AKAP6: variants seen among roughly 807,000 people sequenced by gnomAD.
AKAP6 encodes the protein A-kinase anchoring protein 6.
Under a neutral mutation model 188.5 loss-of-function variants are expected in AKAP6, and 58 were observed. The observed-to-expected ratio is 0.31, with a 90% CI of 0.25 to 0.38. The LOEUF is 0.38. AKAP6 is among the 10% of genes least tolerant of loss of function. The pLI, the probability that AKAP6 is intolerant of heterozygous loss-of-function variation, is 1.00. For missense variants in AKAP6, 2,710 were observed against 2,740.0 expected (o/e 0.99, Z 0.24); for synonymous variants, 989 against 998.6 (o/e 0.99, Z 0.18).
chr14:32,349,143 A>G (rs1887173506), intron 1 of AKAP6, among the ~76,000 whole-genome samples: 1 of 152,168 alleles, frequency 6.6e-6, no homozygotes, highest in Non-Finnish European at 1.5e-5. Context: ...CATTTTATAG[A>G]TCTGTAGGGC....
intron 4 of AKAP6, among the ~76,000 whole-genome samples, chr14:32,548,858 A>G (rs1883324934): frequency 6.6e-6 from 1 of 152,178 alleles, no homozygotes; most frequent in South Asian, 2.1e-4. Context: ...CTGGATAGAG[A>G]ATATTGATGT....
At chr14:32,343,468 C>G (rs1007404271) in intron 1 of AKAP6, among the ~76,000 whole-genome samples, 1 of 151,974 alleles carries the variant, frequency 6.6e-6, no homozygotes, top group Non-Finnish European at 1.5e-5. Context: ...TCCAGCTGCC[C>G]TGCTTCCTCC....
At chr14:32,698,282 T>G (rs1890484641) in intron 9 of AKAP6, among the ~76,000 whole-genome samples, 1 of 152,196 alleles carries the variant, frequency 6.6e-6, no homozygotes, top group South Asian at 2.1e-4. Context: ...TTCAATATCC[T>G]ATTCCTCTGT....
chr14:32,468,987 A>T (rs996543526), intron 2 of AKAP6, among the ~76,000 whole-genome samples: 3 of 152,150 alleles, frequency 2.0e-5, no homozygotes, highest in Admixed American at 2.0e-4. Flanking sequence ...AACTGTCCTA[A>T]ACTCTACAGT....
chr14:32,341,685 GAGA>G (rs966898564), intron 1 of AKAP6, among the ~76,000 whole-genome samples: 16 of 152,300 alleles, frequency 1.1e-4, no homozygotes, highest in Admixed American at 9.1e-4. Context: ...CAAGCTTGCT[GAGA>G]AGAATGCCCC....
intron 12 of AKAP6, 146 bp downstream of exon 12, chr14:32,774,039 T>G: frequency 1.3e-6 from 1 of 765,620 alleles, no homozygotes; most frequent in South Asian, 1.7e-5. Context: ...TGGTTTTAAC[T>G]AACTAAAGCT....
chr14:32,648,799 T>G (rs1042388932), intron 7 of AKAP6, among the ~76,000 whole-genome samples: 1 of 152,104 alleles, frequency 6.6e-6, no homozygotes, highest in African/African-American at 2.4e-5. Context: ...TATTCAAATG[T>G]AGGAAATCCA....
intron 12 of AKAP6, among the ~76,000 whole-genome samples, chr14:32,820,811 C>T (rs1170941366): frequency 6.6e-6 from 1 of 152,116 alleles, no homozygotes; most frequent in Non-Finnish European, 1.5e-5. Flanking sequence ...AAAGACAGAT[C>T]CCTGAATAGG....
chr14:32,811,380 A>C (rs2140116510), intron 12 of AKAP6, among the ~76,000 whole-genome samples: 1 of 152,262 alleles, frequency 6.6e-6, no homozygotes, highest in Non-Finnish European at 1.5e-5. Flanking sequence ...TTATTAAAAA[A>C]CAACAAAAAT....
At chr14:32,417,820 A>G (rs1176208001) in intron 1 of AKAP6, 2 of 152,198 alleles carry the variant, frequency 1.3e-5, no homozygotes, top group Admixed American at 1.3e-4. Context: ...TATAGACTCC[A>G]GTTTAATTGA....
Position 32,821,465 on chromosome 14 carries a change from G to A in AKAP6, c.3652G>A (p.Glu1218Lys). 1 of 1,613,670 alleles carries A rather than the reference G, an allele frequency of 6.2e-7. No homozygotes were observed. The highest frequency in any genetic ancestry group is 8.5e-7 in the Non-Finnish European group (1 of 1,179,734). The change falls in exon 13 of 14, where the codon GAA becomes AAA. Residue 1218 changes from glutamate to lysine, a missense_variant. Physicochemically the swap from Glu to Lys is moderately conservative, Grantham distance 56 (BLOSUM62 1). This residue lies in a region of AKAP6 where 2,473 missense variants were observed against 2,426.1 expected (regional missense o/e 1.02). Coordinates refer to ENST00000280979, the MANE Select transcript of AKAP6 (RefSeq NM_004274.5). ...AAATGGGATGAGTGAGGATGCCCTG[G>A]AATGGGATGAAATGGACATAAGTAA... is the stretch of plus-strand genomic sequence containing the variant. ...DLNGMSEDALEWDEMDISNKL... is the reference protein window; with the variant it reads ...DLNGMSEDALKWDEMDISNKL...
chr14:32,380,151 C>G (rs1888303040), intron 1 of AKAP6, among the ~76,000 whole-genome samples: 1 of 152,230 alleles, frequency 6.6e-6, no homozygotes, highest in Admixed American at 6.5e-5. Flanking sequence ...AGCTCCTTTT[C>G]TATCCTGTGA....
chr14:32,342,984 A>T (rs572605299), intron 1 of AKAP6, among the ~76,000 whole-genome samples: 116 of 152,332 alleles, frequency 7.6e-4, no homozygotes, highest in African/African-American at 2.7e-3. Context: ...TGGCATTGTT[A>T]TGCACACTAA....
chr14:32,752,097 A>G (rs1407302288), intron 11 of AKAP6, among the ~76,000 whole-genome samples: 1 of 152,190 alleles, frequency 6.6e-6, no homozygotes, highest in Non-Finnish European at 1.5e-5. Context: ...AATATTATAT[A>G]AATGGCTCCC....
chr14:32,345,757 G>T (rs1236945878), intron 1 of AKAP6, among the ~76,000 whole-genome samples: 2 of 152,266 alleles, frequency 1.3e-5, no homozygotes, highest in African/African-American at 2.4e-5. Context: ...CTGGGGAGGG[G>T]TGAGTGGGCT....
intron 1 of AKAP6, among the ~76,000 whole-genome samples, chr14:32,374,084 G>T (rs553294248): frequency 6.6e-6 from 1 of 152,174 alleles, no homozygotes; most frequent in African/African-American, 2.4e-5. Flanking sequence ...AAAACTTTGC[G>T]TAAGGAATAG....
Position 32,758,836 on chromosome 14 carries a change from T to A in AKAP6, c.3373-14842T>A, listed in dbSNP as rs982620. 5.4e-3 allele frequency among the ~76,000 whole-genome samples: 827 copies of A among 152,272 alleles called. 14 individuals are homozygous for A. The highest frequency in any genetic ancestry group is 0.019 in the African/African-American group (801 of 41,552). On this transcript the variant is annotated intron_variant, in intron 11 of 13. Coordinates refer to ENST00000280979, the MANE Select transcript of AKAP6 (RefSeq NM_004274.5). ...CTACTAAGTACTATTTTAAACAGAA[T>A]TAAAAACACATATGACAACAGACCA... is the stretch of plus-strand genomic sequence containing the variant.
rs780140054 is a variant in AKAP6 at position 32,822,785 on chromosome 14, A to C, written c.4972A>C (p.Thr1658Pro). 1 of 1,613,864 alleles carries C rather than the reference A, an allele frequency of 6.2e-7. No homozygotes were observed. Among genetic ancestry groups the C allele is most frequent in the Non-Finnish European group, 8.5e-7 (1 of 1,179,916 alleles). Reference protein sequence around the residue: ...QKIKRSVSDITLQSSSQKMSF... With the variant: ...QKIKRSVSDIPLQSSSQKMSF... ...GATAAAACGAAGTGTTTCTGATATC[A>C]CTCTTCAAAGCAGTTCCCAAAAGAT... The change falls in exon 13 of 14, where the codon ACT (threonine) becomes CCT (proline). Residue 1658 changes from threonine (T) to proline (P), a missense_variant. By Grantham distance (38) the Thr-to-Pro change is conservative. Coordinates refer to ENST00000280979, the MANE Select transcript of AKAP6 (RefSeq NM_004274.5).
chr14:32,403,314 T>C (rs1453646131), intron 1 of AKAP6: 1 of 152,228 alleles, frequency 6.6e-6, no homozygotes, highest in Non-Finnish European at 1.5e-5. Flanking sequence ...GAGATGTTGA[T>C]AATACTGTCA....
Sources: gnomAD v4.1 joint callset for allele counts (sites outside exome capture counted in the v4.1 genomes callset) on GRCh38, gnomAD v4.1.1 for gene constraint, gnomAD v4.1.1 regional missense constraint, MANE v1.5 for transcripts, NCBI Gene and HGNC (gene_info 2026-07-23, HGNC 2026-07-21) for gene names.